GSDME: variants seen among roughly 807,000 people sequenced by gnomAD.
GSDME encodes the protein gasdermin-E.
A neutral mutation model predicts 47.5 loss-of-function variants in GSDME; 44 were observed. That is an observed-to-expected ratio of 0.93 (90% confidence interval 0.73 to 1.19). The LOEUF (loss-of-function observed/expected upper bound fraction) is 1.19. GSDME is among the 50% of genes most tolerant of loss of function. GSDME has a pLI of 0.00. For missense variants in GSDME, 663 were observed against 604.2 expected, an observed-to-expected ratio of 1.10 and a Z score of -1.02; for synonymous variants, 258 against 252.8, an observed-to-expected ratio of 1.02 and a Z score of -0.20.
At chr7:24,720,741 C>T (rs1436421513) in intron 3 of GSDME, among the ~76,000 whole-genome samples, 1 of 152,124 alleles carries the variant, frequency 6.6e-6, no homozygotes, top group African/African-American at 2.4e-5. Flanking sequence ...CATGGAGAAA[C>T]CCCGTCTCTA....
rs936128028 is a variant in GSDME at position 24,724,188 on chromosome 7, AG to A, written c.405-4971del. Among the ~76,000 whole-genome samples, 2 of 151,412 alleles carry A rather than the reference AG, an allele frequency of 1.3e-5. No individual in the cohort carries two copies. The highest frequency in any genetic ancestry group is 2.9e-5 in the Non-Finnish European group (2 of 67,854). On this transcript the variant is annotated intron_variant, in intron 3 of 9. Coordinates refer to ENST00000645220, the MANE Select transcript of GSDME (RefSeq NM_001127453.2). The surrounding 1 kb of genome is among the most constrained non-coding windows in gnomAD (Gnocchi z 4.8). Reference sequence around the variant, plus strand: ...TTGCCCAGTTCCAAAAAAAAAAAAAAGTATTTTAAAAAAAGGCCTTCTGGAC... The same window carrying A: ...TTGCCCAGTTCCAAAAAAAAAAAAAATATTTTAAAAAAAGGCCTTCTGGAC...
chr7:24,737,304 GAA>G (rs913612488), intron 3 of GSDME, among the ~76,000 whole-genome samples: 1 of 151,580 alleles, frequency 6.6e-6, no homozygotes, highest in Non-Finnish European at 1.5e-5. Context: ...TCAGAAATGA[GAA>G]AAGAGACATT....
chr7:24,711,568 G>A (rs371279770), intron 5 of GSDME, among the ~76,000 whole-genome samples: 2 of 151,994 alleles, frequency 1.3e-5, no homozygotes, highest in Non-Finnish European at 2.9e-5. Flanking sequence ...CACCTGTAAT[G>A]CCAACACTTC....
chr7:24,760,662 T>C (rs937504649), upstream of GSDME, among the ~76,000 whole-genome samples: 2 of 152,306 alleles, frequency 1.3e-5, no homozygotes, highest in Non-Finnish European at 2.9e-5. This position sits in a 1 kb window ranked among gnomAD's most constrained non-coding sequence, Gnocchi z 4.2. Context: ...TATTGATTGC[T>C]TCCCAGAGGA....
chr7:24,725,950 G>A lies in GSDME; in HGVS notation c.405-6732C>T, dbSNP rs1403170610. 2.6e-5 allele frequency among the ~76,000 whole-genome samples: 4 copies of A among 152,148 alleles called. No individual in the cohort carries two copies. Among genetic ancestry groups the A allele is most frequent in the South Asian group, 2.1e-4 (1 of 4,820 alleles). ...ACAGGACAGGAGTTGGATACAAGACGCGGATACATTCAAGACAGCAGCTAC... is the reference window on the plus strand; with the variant it reads ...ACAGGACAGGAGTTGGATACAAGACACGGATACATTCAAGACAGCAGCTAC... On this transcript the variant is annotated intron_variant, in intron 3 of 9. Transcript: ENST00000645220. The surrounding 1 kb of genome is among the most constrained non-coding windows in gnomAD (Gnocchi z 5.1).
At chr7:24,723,538 G>A (rs1789866715) in intron 3 of GSDME, among the ~76,000 whole-genome samples, 2 of 152,108 alleles carry the variant, frequency 1.3e-5, no homozygotes. Flanking sequence ...AGAGGCCCAT[G>A]GGTTTCTTCA....
chr7:24,775,778 G>C, the GSDME span, among the ~76,000 whole-genome samples: 3 of 150,470 alleles, frequency 2.0e-5, no homozygotes. Context: ...GGGAGGCTGA[G>C]GTGGGAGAAT....
chr7:24,786,058 G>A, the GSDME span, among the ~76,000 whole-genome samples: 8 of 152,356 alleles, frequency 5.3e-5, no homozygotes, highest in East Asian at 9.6e-4. This position sits in a 1 kb window ranked among gnomAD's most constrained non-coding sequence, Gnocchi z 5.5. Flanking sequence ...GTCACGAATA[G>A]TTGTTGATTG....
At position 24,705,910 on chromosome 7, in the gene GSDME, A is replaced by G. The variant is rs1789077623; in HGVS notation, c.1183+274T>C. 4.4e-5 allele frequency: 23 copies of G among 518,342 alleles called. No individual in the cohort carries two copies. The South Asian group carries it at 4.7e-4, about 11-fold the overall frequency. 32.1% of individuals were successfully genotyped at this position (518,342 alleles called of 1,614,324 possible). ...AGGGAGATGCTTGCTTTTGTAGGCA[A>G]AGGGGCACCCACTGTGGCCTTCCCT... is the stretch of plus-strand genomic sequence containing the variant. On this transcript the variant is annotated intron_variant, in intron 8 of 9. Transcript: ENST00000645220. This position sits in a 1 kb window ranked among gnomAD's most constrained non-coding sequence, Gnocchi z 4.1.
At position 24,721,178 on chromosome 7, in the gene GSDME, G is replaced by A. The variant is rs1789769440; in HGVS notation, c.405-1960C>T. On this transcript the variant is annotated intron_variant, in intron 3 of 9. Coordinates refer to ENST00000645220, the MANE Select transcript of GSDME (RefSeq NM_001127453.2). This position sits in a 1 kb window ranked among gnomAD's most constrained non-coding sequence, Gnocchi z 4.1. ...CAGAGTAGAGATGACGGCACAACAG[G>A]GTGAATGTATTTAATGCCACTGAAT... Among the ~76,000 whole-genome samples, 1 of 152,098 alleles carries A rather than the reference G, an allele frequency of 6.6e-6. No homozygotes were observed. Among genetic ancestry groups the A allele is most frequent in the Admixed American group, 6.6e-5 (1 of 15,262 alleles).
chr7:24,740,188 A>C (rs1279726734), intron 3 of GSDME, among the ~76,000 whole-genome samples: 1 of 152,166 alleles, frequency 6.6e-6, no homozygotes, highest in Non-Finnish European at 1.5e-5. Flanking sequence ...ACAGAAAGAT[A>C]AACTTCACAT....
At chr7:24,761,863 T>G (rs531679456), upstream of GSDME, among the ~76,000 whole-genome samples, 1 of 152,308 alleles carries the variant, frequency 6.6e-6, no homozygotes, top group South Asian at 2.1e-4. This position sits in a 1 kb window ranked among gnomAD's most constrained non-coding sequence, Gnocchi z 4.4. Flanking sequence ...CAAGCCTAGA[T>G]TCAAAGATAG....
At chr7:24,713,018 C>CAA (rs34346794) in intron 5 of GSDME, among the ~76,000 whole-genome samples, 67 of 108,388 alleles carry the variant, frequency 6.2e-4, no homozygotes, top group South Asian at 2.1e-3. Context: ...AACTCAGTCT[C>CAA]AAAAAAAAAA....
chr7:24,775,922 G>A, the GSDME span, among the ~76,000 whole-genome samples: 1 of 144,938 alleles, frequency 6.9e-6, no homozygotes, highest in African/African-American at 2.6e-5. Flanking sequence ...GCTCACGCCT[G>A]TAATCCCAAC....
intron 8 of GSDME, chr7:24,704,543 T>A (rs1243324047): frequency 6.6e-6 from 1 of 152,208 alleles, no homozygotes; most frequent in Non-Finnish European, 1.5e-5. Context: ...CCACTGGGAC[T>A]GACATATAAA....
chr7:24,717,951 T>C (rs1789632693), intron 4 of GSDME, among the ~76,000 whole-genome samples: 1 of 152,244 alleles, frequency 6.6e-6, no homozygotes. Context: ...CTTCCCACGA[T>C]GTCCTGGTGA....
At chr7:24,772,605 A>G in the GSDME span, among the ~76,000 whole-genome samples, 1 of 152,236 alleles carries the variant, frequency 6.6e-6, no homozygotes, top group Middle Eastern at 3.2e-3. The surrounding 1 kb of genome is among the most constrained non-coding windows in gnomAD (Gnocchi z 4.5). Flanking sequence ...CGGTTCAGTC[A>G]TTGGCATAGT....
chr7:24,763,216 A>G, the GSDME span, among the ~76,000 whole-genome samples: 2 of 152,210 alleles, frequency 1.3e-5, no homozygotes, highest in Non-Finnish European at 2.9e-5. This position sits in a 1 kb window ranked among gnomAD's most constrained non-coding sequence, Gnocchi z 4.3. Context: ...ACTAGCACAA[A>G]TTTCTTTTCT....
At chr7:24,759,121 G>A (rs955801814), upstream of GSDME, among the ~76,000 whole-genome samples, 4 of 152,172 alleles carry the variant, frequency 2.6e-5, no homozygotes, top group Non-Finnish European at 5.9e-5. Flanking sequence ...GATGTTGGAC[G>A]AAAGAAAGAA....
Sources: allele counts gnomAD v4.1 joint callset (sites outside exome capture counted in the v4.1 genomes callset), GRCh38; gene constraint gnomAD v4.1.1; non-coding constraint Gnocchi (gnomAD v3.1); transcripts MANE v1.5; gene names NCBI Gene and HGNC (gene_info 2026-07-23, HGNC 2026-07-21).